The following SLC2A2 variants were observed in gnomAD, a reference collection of about 807,000 sequenced individuals.
The protein encoded by SLC2A2 is solute carrier family 2, facilitated glucose transporter member 2.
SLC2A2 carries 36 observed loss-of-function variants against 54.5 expected under a neutral mutation model. The observed-to-expected ratio is 0.66, with a 90% CI of 0.51 to 0.87. SLC2A2 has a LOEUF of 0.87. SLC2A2 is among the 40% of genes least tolerant of loss of function. SLC2A2 has a pLI of 0.00. For missense variants in SLC2A2, 543 were observed against 624.3 expected (o/e 0.87, Z 1.39); for synonymous variants, 223 against 219.1 (o/e 1.02, Z -0.16).
At chr3:171,013,451 A>G (rs924104094) in intron 3 of SLC2A2, among the ~76,000 whole-genome samples, 1 of 152,258 alleles carries the variant, frequency 6.6e-6, no homozygotes, top group Non-Finnish European at 1.5e-5. Context: ...AAAAATAATA[A>G]TAAAACTTGG....
chr3:171,018,491 A>G (rs1436800411), intron 2 of SLC2A2, 40 bp downstream of exon 2: 1 of 1,366,566 alleles, frequency 7.3e-7, no homozygotes, highest in East Asian at 2.3e-5. Flanking sequence ...TATCACTGAC[A>G]GAACTTGCCA....
rs760201098 is a variant in SLC2A2 at position 171,010,074 on chromosome 3, G to T, written c.380C>A (p.Ala127Asp). 1 of 1,612,500 alleles carries T rather than the reference G, an allele frequency of 6.2e-7. No homozygotes were observed. Among genetic ancestry groups the T allele is most frequent in the South Asian group, 1.1e-5 (1 of 91,038 alleles). The change falls in exon 4 of 11, where the codon GCC becomes GAC. Residue 127 changes from alanine (A) to aspartate (D), a missense_variant. Around this residue, in one of 3 missense-constraint regions of SLC2A2, gnomAD observed 318 missense variants for 343.8 expected, o/e 0.93. Coordinates refer to ENST00000314251, the MANE Select transcript of SLC2A2 (RefSeq NM_000340.2). Reference sequence around the variant, plus strand: ...TGACAGAATGTTTGCTACTAACATGGCTTTGATTCTGAAATTTTAAAAAGC... The same window carrying T: ...TGACAGAATGTTTGCTACTAACATGTCTTTGATTCTGAAATTTTAAAAAGC... ...WLGDTLGRIK[A>D]MLVANILSLV...
chr3:171,013,419 T>G (rs979535202), intron 3 of SLC2A2, among the ~76,000 whole-genome samples: 2 of 152,134 alleles, frequency 1.3e-5, no homozygotes, highest in African/African-American at 2.4e-5. Flanking sequence ...TCTTTTATGG[T>G]GGAGAAAACT....
At chr3:171,002,516 C>A in intron 8 of SLC2A2, 60 bp downstream of exon 8, 1 of 1,093,824 alleles carries the variant, frequency 9.1e-7, no homozygotes. Context: ...AGTTCCCCAC[C>A]CCTCCTGCAA....
In SLC2A2 at chr3:171,005,437, T is replaced by C; in HGVS notation, c.811A>G (p.Lys271Glu). 1 of 1,612,624 alleles carries C rather than the reference T, an allele frequency of 6.2e-7. No homozygotes were observed. The highest frequency in any genetic ancestry group is 1.3e-5 in the African/African-American group (1 of 74,948). Reference protein sequence around the residue: ...KRLRGYDDVTKDINEMRKERE... With the variant: ...KRLRGYDDVTEDINEMRKERE... ...TCTTTTCTCATTTCATTAATATCTT[T>C]GGTGACATCATCATATCCTCTGAGT... Residue 271 changes from lysine (K) to glutamate (E), a missense_variant, in exon 7 of 11, where the codon AAA becomes GAA. Physicochemically the swap from Lys to Glu is moderately conservative, Grantham distance 56. Transcript: ENST00000314251.
chr3:171,012,923 C>T (rs1023258450), intron 3 of SLC2A2, among the ~76,000 whole-genome samples: 1 of 152,090 alleles, frequency 6.6e-6, no homozygotes, highest in Non-Finnish European at 1.5e-5. Context: ...AATCCTAAGA[C>T]TTCAGAGGGT....
chr3:171,003,209 C>A (rs1715419943), intron 7 of SLC2A2, among the ~76,000 whole-genome samples: 1 of 151,908 alleles, frequency 6.6e-6, no homozygotes, highest in African/African-American at 2.4e-5. Flanking sequence ...TGCCTGGCTT[C>A]TTTTAGTCAA....
intron 8 of SLC2A2, among the ~76,000 whole-genome samples, chr3:171,001,271 A>C (rs1028425277): frequency 6.6e-6 from 1 of 152,088 alleles, no homozygotes; most frequent in Non-Finnish European, 1.5e-5. Context: ...ATCATAAAAA[A>C]TATGTTGAAG....
chr3:171,021,090 A>C (rs1273824829), intron 1 of SLC2A2, among the ~76,000 whole-genome samples: 2 of 152,164 alleles, frequency 1.3e-5, no homozygotes, highest in Non-Finnish European at 2.9e-5. Context: ...TTAAAATCTA[A>C]AATGTAACTC....
intron 3 of SLC2A2, 141 bp downstream of exon 3, chr3:171,014,328 G>T: frequency 1.2e-6 from 1 of 826,532 alleles, no homozygotes; most frequent in Non-Finnish European, 2.0e-6. Context: ...ATCTAACACT[G>T]ATATGCCTCA....
intron 1 of SLC2A2, among the ~76,000 whole-genome samples, chr3:171,019,157 G>GTATGTA (rs1716336269): frequency 1.2e-5 from 1 of 81,918 alleles, no homozygotes; most frequent in South Asian, 4.1e-4. Context: ...ATATATATAC[G>GTATGTA]TATGTATATA....
intron 2 of SLC2A2, among the ~76,000 whole-genome samples, chr3:171,016,852 C>CTTTTTT (rs201071901): frequency 8.7e-6 from 1 of 114,332 alleles, no homozygotes. Context: ...TTAATTTTTT[C>CTTTTTT]TTTTTTTTTT....
chr3:171,008,354 A>C (rs1715711618), intron 4 of SLC2A2, among the ~76,000 whole-genome samples: 1 of 152,138 alleles, frequency 6.6e-6, no homozygotes, highest in African/African-American at 2.4e-5. Context: ...GTAAGAAAAA[A>C]ATCATTTATT....
At chr3:171,010,577 A>G (rs1278112345) in intron 3 of SLC2A2, among the ~76,000 whole-genome samples, 4 of 152,180 alleles carry the variant, frequency 2.6e-5, no homozygotes, top group African/African-American at 7.2e-5. Context: ...ATTCAATTCT[A>G]TAGTTGTAAC....
chr3:171,002,606 G>T lies in SLC2A2; in HGVS notation c.1038C>A (p.Gly346=). The T allele has an allele frequency of 1.2e-6, 2 of 1,609,578 alleles. No individual in the cohort carries two copies. The highest frequency in any genetic ancestry group is 1.7e-6 in the Non-Finnish European group (2 of 1,176,996). The change falls in exon 8 of 11, where the codon GGC becomes GGA. Residue 346 remains glycine (G), a synonymous_variant. Coordinates refer to ENST00000314251, the MANE Select transcript of SLC2A2 (RefSeq NM_000340.2). Reference sequence around the variant, plus strand: ...CAGCAGTGAAAACCATGTTTACAGCGCCAACTCCAATGGTTGCATAAACAG... The same window carrying T: ...CAGCAGTGAAAACCATGTTTACAGCTCCAACTCCAATGGTTGCATAAACAG... The part of the protein sequence containing the change: ...SKPVYATIGV[G]AVNMVFTAVS...
chr3:171,019,150 T>C (rs1254405460), intron 1 of SLC2A2, among the ~76,000 whole-genome samples: 2 of 75,928 alleles, frequency 2.6e-5, no homozygotes, highest in Non-Finnish European at 4.8e-5. Context: ...TATATATATA[T>C]ATATACGTAT....
At chr3:171,004,887 T>G (rs2108242507) in intron 7 of SLC2A2, among the ~76,000 whole-genome samples, 1 of 152,104 alleles carries the variant, frequency 6.6e-6, no homozygotes, top group South Asian at 2.1e-4. Context: ...ATACTTCATT[T>G]AAATAGATAA....
intron 1 of SLC2A2, among the ~76,000 whole-genome samples, chr3:171,019,125 G>GTA (rs1716326440): frequency 4.0e-4 from 2 of 4,964 alleles, no homozygotes; most frequent in Non-Finnish European, 8.3e-4. Context: ...ATATATATAC[G>GTA]TATGTATATA....
At chr3:171,001,809 A>G (rs1715345530) in intron 8 of SLC2A2, among the ~76,000 whole-genome samples, 1 of 127,310 alleles carries the variant, frequency 7.9e-6, no homozygotes, top group African/African-American at 3.3e-5. Flanking sequence ...TATAAGAACC[A>G]TCACTTCTTA....
Sources: allele counts gnomAD v4.1 joint callset (sites outside exome capture counted in the v4.1 genomes callset), GRCh38; gene constraint gnomAD v4.1.1; regional missense constraint gnomAD v4.1.1; transcripts MANE v1.5; gene names NCBI Gene and HGNC (gene_info 2026-07-23, HGNC 2026-07-21).